The following AFF2 variants were observed in gnomAD, a reference collection of about 807,000 sequenced individuals.
AFF2 encodes the protein ALF transcription elongation factor 2.
A neutral mutation model predicts 76.9 loss-of-function variants in AFF2; 14 were observed. The observed-to-expected ratio is 0.18, with a 90% CI of 0.12 to 0.28. AFF2 has a LOEUF of 0.28. AFF2 is among the 10% of genes least tolerant of loss of function. AFF2 has a pLI of 1.00. For synonymous variants in AFF2, 398 were observed against 366.7 expected, an observed-to-expected ratio of 1.09 and a Z score of -0.98; for missense variants, 868 against 1,001.1, an observed-to-expected ratio of 0.87 and a Z score of 1.79.
At chrX:148,642,476 G>A (rs1347470426) in intron 1 of AFF2, among the ~76,000 whole-genome samples, 1 of 112,500 alleles carries the variant, frequency 8.9e-6, no homozygotes, top group African/African-American at 3.2e-5. Context: ...AAGCCAGAAG[G>A]TTATATTAAG....
intron 3 of AFF2, among the ~76,000 whole-genome samples, chrX:148,729,128 G>A (rs1250396497): frequency 1.8e-5 from 2 of 111,827 alleles, no homozygotes; most frequent in Non-Finnish European, 3.8e-5. Context: ...GGAATTTACA[G>A]CTTCATGGGG....
intron 1 of AFF2, among the ~76,000 whole-genome samples, chrX:148,649,008 G>A (rs187478975): frequency 1.2e-3 from 134 of 111,569 alleles, no homozygotes; most frequent in African/African-American, 4.2e-3. Context: ...TGTTCATACC[G>A]ATGATATGAT....
chrX:148,946,532 A>T (rs192248778), intron 9 of AFF2, among the ~76,000 whole-genome samples: 1 of 113,099 alleles, frequency 8.8e-6, no homozygotes, highest in African/African-American at 3.2e-5. Context: ...CAAAAGTCAG[A>T]TGTGGGTCTC....
At chrX:148,968,725 G>A (rs1014011544) in intron 15 of AFF2, among the ~76,000 whole-genome samples, 13 of 111,832 alleles carry the variant, frequency 1.2e-4, no homozygotes, top group African/African-American at 3.6e-4. Context: ...AAATTGCTTC[G>A]TGTCTGCAGG....
At chrX:148,853,709 C>T (rs1468861762) in intron 7 of AFF2, among the ~76,000 whole-genome samples, 1 of 111,712 alleles carries the variant, frequency 9.0e-6, no homozygotes, top group African/African-American at 3.3e-5. Flanking sequence ...CAAAAGTGTT[C>T]TGTCAATGCA....
At chrX:148,646,393 T>C (rs1438317644) in intron 1 of AFF2, among the ~76,000 whole-genome samples, 1 of 111,569 alleles carries the variant, frequency 9.0e-6, no homozygotes, top group African/African-American at 3.3e-5. Flanking sequence ...GGGATGGCTC[T>C]TGGGAGGTCT....
At chrX:148,896,119 T>C (rs186590370) in intron 8 of AFF2, among the ~76,000 whole-genome samples, 1 of 111,424 alleles carries the variant, frequency 9.0e-6, no homozygotes, top group Non-Finnish European at 1.9e-5. Flanking sequence ...TCTTAGTAAG[T>C]CTTTATTCCT....
chrX:148,522,967 T>A (rs1392579859), intron 1 of AFF2, among the ~76,000 whole-genome samples: 1 of 112,268 alleles, frequency 8.9e-6, no homozygotes, highest in Non-Finnish European at 1.9e-5. Flanking sequence ...GCAAATTTCC[T>A]GAGGTCAAAT....
At chrX:148,598,518 C>T (rs1312111285) in intron 1 of AFF2, among the ~76,000 whole-genome samples, 1 of 112,445 alleles carries the variant, frequency 8.9e-6, no homozygotes, top group Admixed American at 9.4e-5. Context: ...AAGGCACTAG[C>T]GTTCTCCTAT....
At chrX:148,753,602 T>C (rs1009021551) in intron 3 of AFF2, among the ~76,000 whole-genome samples, 1 of 112,207 alleles carries the variant, frequency 8.9e-6, no homozygotes, top group African/African-American at 3.2e-5. Context: ...TGTAAAACAT[T>C]AATATTGAAT....
intron 7 of AFF2, among the ~76,000 whole-genome samples, chrX:148,850,547 C>T (rs1384176498): frequency 8.9e-6 from 1 of 112,198 alleles, no homozygotes; most frequent in African/African-American, 3.2e-5. Flanking sequence ...CACATGCATA[C>T]ATATGCTCTG....
intron 3 of AFF2, among the ~76,000 whole-genome samples, chrX:148,663,243 C>G (rs182447314): frequency 9.0e-6 from 1 of 111,639 alleles, no homozygotes; most frequent in Non-Finnish European, 1.9e-5. Context: ...AAGTAGAAGG[C>G]GTTCTTTAAG....
chrX:148,818,580 A>G (rs1246256097), intron 4 of AFF2, among the ~76,000 whole-genome samples: 1 of 112,031 alleles, frequency 8.9e-6, no homozygotes, highest in Non-Finnish European at 1.9e-5. Context: ...ATAAAATATT[A>G]GAAGTATATA....
At position 148,636,031 on chromosome X, in the gene AFF2, AT is replaced by A. The variant is rs782131793; in HGVS notation, c.48-15961del. Among the ~76,000 whole-genome samples, 460 of 109,384 alleles carry A rather than the reference AT, an allele frequency of 4.2e-3. 6 individuals carry two copies. Among genetic ancestry groups the A allele is most frequent in the African/African-American group, 0.015 (443 of 29,925 alleles). The allele number at this position is 109,384 out of a possible 115,157, so 95.0% of individuals were successfully genotyped here. A position where few individuals can be genotyped will look rare whatever the true frequency, so the allele number is the denominator to read the frequency against. On this transcript the variant is annotated intron_variant, in intron 1 of 20. Coordinates refer to ENST00000370460, the MANE Select transcript of AFF2 (RefSeq NM_002025.4). ...TGAGTGTGTGGATATATATATATAT[AT>A]TTTTTTCATTTAGTACTCCCAGCAT...
At chrX:148,586,816 A>G (rs1354984524) in intron 1 of AFF2, among the ~76,000 whole-genome samples, 1 of 111,353 alleles carries the variant, frequency 9.0e-6, no homozygotes, top group African/African-American at 3.3e-5. Context: ...TCTTCATTCA[A>G]TCTAATGGGG....
intron 1 of AFF2, among the ~76,000 whole-genome samples, chrX:148,579,692 C>T (rs2053332049): frequency 9.0e-6 from 1 of 111,728 alleles, no homozygotes; most frequent in Non-Finnish European, 1.9e-5. Flanking sequence ...AAGGAGCTAT[C>T]ACTGCATGCA....
intron 1 of AFF2, among the ~76,000 whole-genome samples, chrX:148,614,731 TTCC>T (rs1488823557): frequency 0.043 from 2,863 of 66,422 alleles, 70 homozygotes; most frequent in Non-Finnish European, 0.061. Context: ...CTTTCTTTCT[TTCC>T]TTCTTTTCTT....
chrX:148,688,644 A>G (rs1557260530), intron 3 of AFF2, among the ~76,000 whole-genome samples: 1 of 111,254 alleles, frequency 9.0e-6, no homozygotes, highest in African/African-American at 3.3e-5. Flanking sequence ...GTCATGAATC[A>G]CTTAACAACA....
At chrX:148,518,022 CAAAA>C (rs543248775) in intron 1 of AFF2, among the ~76,000 whole-genome samples, 1 of 38,601 alleles carries the variant, frequency 2.6e-5, no homozygotes, top group African/African-American at 9.8e-5. Flanking sequence ...GACTCCGTCT[CAAAA>C]AAAAAAAAAA....
Sources: allele counts gnomAD v4.1 joint callset (sites outside exome capture counted in the v4.1 genomes callset), GRCh38; gene constraint gnomAD v4.1.1; transcripts MANE v1.5; gene names NCBI Gene and HGNC (gene_info 2026-07-23, HGNC 2026-07-21).